Variants in LRRTM4 observed in about 807,000 individuals in gnomAD.
The protein encoded by LRRTM4 is leucine-rich repeat transmembrane neuronal protein 4.
A neutral mutation model predicts 47.6 loss-of-function variants in LRRTM4; 25 were observed. The ratio of observed to expected loss-of-function variants is 0.53; its 90% CI spans 0.38 to 0.73. The LOEUF (loss-of-function observed/expected upper bound fraction) is 0.73. LRRTM4 is among the 30% of genes least tolerant of loss of function. The probability of loss-of-function intolerance (pLI) is 0.00; values close to 1 mark genes in which losing one functional copy is unlikely to be tolerated. For missense variants in LRRTM4, 638 were observed against 713.4 expected, an observed-to-expected ratio of 0.89 and a Z score of 1.20; for synonymous variants, 311 against 269.5, an observed-to-expected ratio of 1.15 and a Z score of -1.51.
intron 3 of LRRTM4, among the ~76,000 whole-genome samples, chr2:77,278,891 T>A (rs561326708): frequency 5.3e-5 from 8 of 152,034 alleles, no homozygotes; most frequent in Non-Finnish European, 1.0e-4. Context: ...TCCACTAGCC[T>A]GCATAGTGTG....
intron 3 of LRRTM4, among the ~76,000 whole-genome samples, chr2:77,414,809 C>T (rs1674577294): frequency 6.6e-6 from 1 of 150,728 alleles, no homozygotes; most frequent in Non-Finnish European, 1.5e-5. Flanking sequence ...ACCATCTTCC[C>T]TCGCACACAA....
chr2:77,067,908 G>C (rs1558560479), intron 3 of LRRTM4, among the ~76,000 whole-genome samples: 1 of 151,834 alleles, frequency 6.6e-6, no homozygotes, highest in Non-Finnish European at 1.5e-5. Context: ...ATCAAAAAAA[G>C]GGAAAGTGAT....
At chr2:76,871,957 G>A (rs1388370015) in intron 3 of LRRTM4, among the ~76,000 whole-genome samples, 1 of 152,184 alleles carries the variant, frequency 6.6e-6, no homozygotes, top group African/African-American at 2.4e-5. Flanking sequence ...CAGATCTTCA[G>A]ATAACATATT....
chr2:76,976,709 A>G (rs978227570), intron 3 of LRRTM4, among the ~76,000 whole-genome samples: 13 of 151,834 alleles, frequency 8.6e-5, no homozygotes, highest in African/African-American at 2.9e-4. Context: ...ATCCGTGGAA[A>G]AAGGTTGGTT....
chr2:77,154,105 T>C (rs1672497104), intron 3 of LRRTM4, among the ~76,000 whole-genome samples: 1 of 152,218 alleles, frequency 6.6e-6, no homozygotes, highest in Non-Finnish European at 1.5e-5. Flanking sequence ...CAGTGCAAAG[T>C]GTTCTTAATT....
chr2:76,872,242 G>A (rs147614942), intron 3 of LRRTM4, among the ~76,000 whole-genome samples: 298 of 152,136 alleles, frequency 2.0e-3, no homozygotes, highest in Middle Eastern at 3.4e-3. Context: ...TTAAGGATAC[G>A]TTAAAATCAG....
intron 3 of LRRTM4, among the ~76,000 whole-genome samples, chr2:76,902,307 CTTTT>C (rs1558725502): frequency 6.6e-6 from 1 of 151,974 alleles, no homozygotes; most frequent in African/African-American, 2.4e-5. Context: ...GTGTTTTTCC[CTTTT>C]TTATCTATCT....
At chr2:77,362,162 A>AAGGAAGGAAGGAAGGAAGGAAGG (rs1553434441) in intron 3 of LRRTM4, among the ~76,000 whole-genome samples, 46 of 112,814 alleles carry the variant, frequency 4.1e-4, no homozygotes, top group African/African-American at 2.0e-3. Context: ...AGAAAGAAAG[A>AAGGAAGGAAGGAAGGAAGGAAGG]AAGAAAGAAA....
chr2:77,137,768 G>T (rs971865578), intron 3 of LRRTM4, among the ~76,000 whole-genome samples: 2 of 152,050 alleles, frequency 1.3e-5, no homozygotes, highest in African/African-American at 2.4e-5. Context: ...CAAAATAAAG[G>T]GATGGAGGAA....
chr2:77,087,917 C>T (rs1291826776), intron 3 of LRRTM4, among the ~76,000 whole-genome samples: 1 of 151,946 alleles, frequency 6.6e-6, no homozygotes, highest in East Asian at 1.9e-4. Context: ...ATGTCTTTGC[C>T]AAGGTTCCCT....
At chr2:77,410,024 A>G (rs760631067) in intron 3 of LRRTM4, among the ~76,000 whole-genome samples, 3 of 152,158 alleles carry the variant, frequency 2.0e-5, no homozygotes, top group African/African-American at 7.2e-5. Context: ...TTTCACTGAG[A>G]TTCTGGAAGG....
intron 3 of LRRTM4, among the ~76,000 whole-genome samples, chr2:76,848,759 C>A (rs1671907601): frequency 6.6e-6 from 1 of 152,028 alleles, no homozygotes; most frequent in South Asian, 2.1e-4. Flanking sequence ...CTCTGATTAA[C>A]AAATATTTGG....
chr2:77,092,725 A>C (rs200883082), intron 3 of LRRTM4, among the ~76,000 whole-genome samples: 6,411 of 121,878 alleles, frequency 0.053, 457 homozygotes, highest in African/African-American at 0.17. Context: ...CATTTCTTCC[A>C]TTCTGTCAGA....
At chr2:76,905,809 A>G (rs1417116075) in intron 3 of LRRTM4, among the ~76,000 whole-genome samples, 4 of 152,162 alleles carry the variant, frequency 2.6e-5, no homozygotes, top group East Asian at 1.9e-4. Context: ...AAGAAAAAAA[A>G]GAAACGAACA....
intron 3 of LRRTM4, among the ~76,000 whole-genome samples, chr2:77,311,005 G>T (rs1255136145): frequency 2.6e-5 from 4 of 151,796 alleles, no homozygotes; most frequent in Non-Finnish European, 4.4e-5. Flanking sequence ...TATATATAGA[G>T]AGAGAATATT....
chr2:77,228,585 C>G (rs1313752506), intron 3 of LRRTM4, among the ~76,000 whole-genome samples: 1 of 152,166 alleles, frequency 6.6e-6, no homozygotes, highest in Non-Finnish European at 1.5e-5. Flanking sequence ...TTCTACATTA[C>G]ACAGTTATAA....
At chr2:77,028,396 T>C (rs1263573614) in intron 3 of LRRTM4, among the ~76,000 whole-genome samples, 1 of 152,178 alleles carries the variant, frequency 6.6e-6, no homozygotes, top group African/African-American at 2.4e-5. Flanking sequence ...AGATGAACTT[T>C]CTAACCTTCC....
intron 3 of LRRTM4, among the ~76,000 whole-genome samples, chr2:77,078,041 T>G (rs2103847230): frequency 6.6e-6 from 1 of 152,286 alleles, no homozygotes; most frequent in Admixed American, 6.5e-5. Context: ...ACTGCAGACT[T>G]TACTTCCTTT....
At chr2:77,368,180 G>A (rs189422289) in intron 3 of LRRTM4, among the ~76,000 whole-genome samples, 2 of 151,636 alleles carry the variant, frequency 1.3e-5, no homozygotes, top group Non-Finnish European at 3.0e-5. Context: ...CCAGGAACAG[G>A]TGTGGGCAGG....
Sources: allele counts gnomAD v4.1 joint callset (sites outside exome capture counted in the v4.1 genomes callset), GRCh38; gene constraint gnomAD v4.1.1; transcripts MANE v1.5; gene names NCBI Gene and HGNC (gene_info 2026-07-23, HGNC 2026-07-21).